The following BANP variants were observed in gnomAD, a reference collection of about 807,000 sequenced individuals.
The protein encoded by BANP is BTG3 associated nuclear protein.
BANP carries 11 observed loss-of-function variants against 68.1 expected under a neutral mutation model. That is an observed-to-expected ratio of 0.16 (90% confidence interval 0.10 to 0.27). BANP has a LOEUF of 0.27. Ranked by LOEUF, BANP falls within the 10% of genes least tolerant of loss-of-function variation. The probability of loss-of-function intolerance (pLI) is 1.00; values close to 1 mark genes in which losing one functional copy is unlikely to be tolerated. For missense variants in BANP, 504 were observed against 722.7 expected, an observed-to-expected ratio of 0.70 and a Z score of 3.47; for synonymous variants, 329 against 303.2, an observed-to-expected ratio of 1.09 and a Z score of -0.88.
intron 3 of BANP, 59 bp from the exon 4 acceptor site, chr16:87,984,001 G>A: frequency 1.3e-6 from 2 of 1,555,860 alleles, no homozygotes; most frequent in Non-Finnish European, 1.7e-6. Flanking sequence ...GTGTTTCTTG[G>A]GGTTGTCTTC....
intron 8 of BANP, among the ~76,000 whole-genome samples, chr16:88,029,553 G>A (rs2152726634): frequency 6.6e-6 from 1 of 150,654 alleles, no homozygotes; most frequent in Non-Finnish European, 1.5e-5. Context: ...GGAGCTTGCA[G>A]TGAGCCGAGA....
chr16:87,965,308 A>T (rs2059829805), intron 1 of BANP, among the ~76,000 whole-genome samples: 1 of 151,418 alleles, frequency 6.6e-6, no homozygotes, highest in South Asian at 2.1e-4. Context: ...TGGGATCTGG[A>T]GGGGATGTGA....
chr16:87,961,975 C>G (rs1306546807), intron 1 of BANP, among the ~76,000 whole-genome samples: 1 of 152,136 alleles, frequency 6.6e-6, no homozygotes, highest in Non-Finnish European at 1.5e-5. Context: ...CGCAGTGGCT[C>G]ATTCCTGTAA....
chr16:88,025,136 T>A (rs1432181738), intron 7 of BANP, among the ~76,000 whole-genome samples: 2 of 152,220 alleles, frequency 1.3e-5, no homozygotes, highest in African/African-American at 4.8e-5. Context: ...TGGCTGTTTC[T>A]TTCTTGCCCT....
chr16:87,992,488 C>T (rs2066105765), intron 4 of BANP, among the ~76,000 whole-genome samples: 1 of 151,974 alleles, frequency 6.6e-6, no homozygotes, highest in African/African-American at 2.4e-5. Flanking sequence ...ATAATAAATT[C>T]AATTATTTTA....
chr16:88,027,516 C>A lies in BANP; in HGVS notation c.929C>A (p.Ser310Tyr), dbSNP rs1361968590. 6.2e-7 allele frequency: 1 copy of A among 1,613,838 alleles called. No individual in the cohort carries two copies. The change falls in exon 8 of 14, where the codon TCC becomes TAC. Residue 310 changes from serine (S) to tyrosine (Y), a missense_variant. Around this residue, in one of 3 missense-constraint regions of BANP, gnomAD observed 43 missense variants for 197.7 expected, o/e 0.22. Transcript: ENST00000682872. ...TTCTATAAATTTGGCATCACAGAATCCGACTGGTACCGAATCAAGCAGAGC... is the reference window on the plus strand; with the variant it reads ...TTCTATAAATTTGGCATCACAGAATACGACTGGTACCGAATCAAGCAGAGC... ...HLFYKFGITE[S>Y]DWYRIKQSID... is the part of the protein sequence containing the mutation.
At chr16:88,055,496 C>T (rs2152845280) in intron 11 of BANP, among the ~76,000 whole-genome samples, 1 of 152,310 alleles carries the variant, frequency 6.6e-6, no homozygotes, top group East Asian at 1.9e-4. Flanking sequence ...CCTCCTGATA[C>T]TTCGCTTAAG....
chr16:87,958,734 A>T (rs899311601), intron 1 of BANP, among the ~76,000 whole-genome samples: 1 of 152,206 alleles, frequency 6.6e-6, no homozygotes, highest in Non-Finnish European at 1.5e-5. Context: ...ATTCCCGTTA[A>T]GCCGCTTGCT....
chr16:88,030,931 A>G (rs1327538598), intron 8 of BANP, among the ~76,000 whole-genome samples: 1 of 152,210 alleles, frequency 6.6e-6, no homozygotes, highest in Admixed American at 6.5e-5. Context: ...AAGGTTTGAT[A>G]ATGCTTAGAT....
At chr16:87,999,203 T>C (rs1452586599) in intron 4 of BANP, among the ~76,000 whole-genome samples, 6 of 132,536 alleles carry the variant, frequency 4.5e-5, no homozygotes, top group South Asian at 2.5e-4. Context: ...CGGCTGTACT[T>C]ACCAGGCCTT....
intron 4 of BANP, among the ~76,000 whole-genome samples, chr16:88,001,784 C>T (rs1248683749): frequency 2.0e-5 from 3 of 151,888 alleles, no homozygotes; most frequent in South Asian, 2.1e-4. Context: ...TTTGAATTTT[C>T]GTTTCCATTT....
chr16:88,073,436 G>A (rs576091769), intron 13 of BANP, among the ~76,000 whole-genome samples: 3 of 152,326 alleles, frequency 2.0e-5, no homozygotes, highest in South Asian at 4.1e-4. Flanking sequence ...GGTGGCCCCC[G>A]CAGAGGCGCG....
chr16:88,016,509 G>A (rs372476105), intron 6 of BANP, among the ~76,000 whole-genome samples: 31 of 152,258 alleles, frequency 2.0e-4, no homozygotes, highest in African/African-American at 7.0e-4. Context: ...CAGGGCCTGC[G>A]CCGCTGTGTT....
At chr16:88,075,498 A>G (rs928296488) in intron 13 of BANP, among the ~76,000 whole-genome samples, 6 of 152,158 alleles carry the variant, frequency 3.9e-5, no homozygotes, top group Admixed American at 1.3e-4. Context: ...GCAAGACCCT[A>G]TCTCTAAAAA....
chr16:88,058,549 T>C (rs1007182813), intron 11 of BANP, among the ~76,000 whole-genome samples: 1 of 152,102 alleles, frequency 6.6e-6, no homozygotes, highest in Non-Finnish European at 1.5e-5. Context: ...CCTGACAGGC[T>C]GTTTCCTCTC....
Position 88,057,744 on chromosome 16 carries a change from C to A in BANP, c.1312-7523C>A, listed in dbSNP as rs1216292062. On this transcript the variant is annotated intron_variant, in intron 11 of 13. Coordinates refer to ENST00000682872, the MANE Select transcript of BANP (RefSeq NM_001386991.1). This position sits in a 1 kb window ranked among gnomAD's most constrained non-coding sequence, Gnocchi z 4.6. ...CAAGTAAGAGAGATGGCGGGGCCAT[C>A]TGGGTGGGGCGGGGGGGGGGGTGCG... Among the ~76,000 whole-genome samples, 2 of 25,408 alleles carry A rather than the reference C, an allele frequency of 7.9e-5. No homozygotes were observed. The highest frequency in any genetic ancestry group is 5.8e-4 in the Admixed American group (1 of 1,718). 16.7% of individuals were successfully genotyped at this position (25,408 alleles called of 152,430 possible).
At chr16:87,979,312 C>G (rs1177550874) in intron 2 of BANP, among the ~76,000 whole-genome samples, 1 of 152,140 alleles carries the variant, frequency 6.6e-6, no homozygotes, top group African/African-American at 2.4e-5. Flanking sequence ...AATCTGAATG[C>G]CAGCCAGGAG....
chr16:87,973,426 G>C (rs538751819), intron 1 of BANP, among the ~76,000 whole-genome samples: 1 of 152,244 alleles, frequency 6.6e-6, no homozygotes, highest in African/African-American at 2.4e-5. Flanking sequence ...ATTTAAGACA[G>C]CACTTGGCTC....
At chr16:87,978,657 C>A (rs768419246) in intron 2 of BANP, 28 of 469,856 alleles carry the variant, frequency 6.0e-5, no homozygotes, top group Non-Finnish European at 4.4e-6. Context: ...CAAGGGACAC[C>A]CGCACCTCAG....
Sources: allele counts gnomAD v4.1 joint callset (sites outside exome capture counted in the v4.1 genomes callset), GRCh38; gene constraint gnomAD v4.1.1; regional missense constraint gnomAD v4.1.1; non-coding constraint Gnocchi (gnomAD v3.1); transcripts MANE v1.5; gene names NCBI Gene and HGNC (gene_info 2026-07-23, HGNC 2026-07-21).